Variants in FBXL2 observed in about 807,000 individuals in gnomAD.
The protein encoded by FBXL2 is F-box and leucine rich repeat protein 2.
In FBXL2, 38 loss-of-function variants were observed where a neutral mutation model predicts 69.2. The observed-to-expected ratio is 0.55, with a 90% CI of 0.42 to 0.72. The LOEUF (loss-of-function observed/expected upper bound fraction) is 0.72. Ranked by LOEUF, FBXL2 falls within the 30% of genes least tolerant of loss-of-function variation. FBXL2 has a pLI of 0.00. For synonymous variants in FBXL2, 192 were observed against 201.3 expected (o/e 0.95, Z 0.39); for missense variants, 354 against 520.3 (o/e 0.68, Z 3.11).
rs549391412 is a variant in FBXL2 at position 33,343,199 on chromosome 3, TAAATC to T, written c.66-15767_66-15763del. Among the ~76,000 whole-genome samples the T allele has an allele frequency of 3.9e-3, 595 of 152,184 alleles. 4 individuals carry two copies. The highest frequency in any genetic ancestry group is 0.013 in the African/African-American group (552 of 41,518). On this transcript the variant is annotated intron_variant, in intron 2 of 14. Transcript: ENST00000484457. ...CATTTTGTAATATTCATATGACACT[TAAATC>T]TATGTATATGTAGGTCTAGTTCTAA...
At chr3:33,397,182 A>G (rs1317838660) in intron 12 of FBXL2, 1 of 1,443,388 alleles carries the variant, frequency 6.9e-7, no homozygotes, top group Non-Finnish European at 9.4e-7. Flanking sequence ...GAAAAAGAAC[A>G]GAACTGCTTT....
intron 12 of FBXL2, chr3:33,396,065 C>T (rs1263301763): frequency 1.7e-6 from 2 of 1,152,078 alleles, no homozygotes; most frequent in Non-Finnish European, 2.4e-6. Context: ...GCATTCCTAA[C>T]ACAGCAAGAG....
chr3:33,396,381 G>T, intron 12 of FBXL2: 1 of 867,986 alleles, frequency 1.2e-6, no homozygotes, highest in Non-Finnish European at 1.8e-6. Flanking sequence ...TTCCTTATGA[G>T]AACTTTATAA....
chr3:33,343,680 T>C (rs2040234909), intron 2 of FBXL2, among the ~76,000 whole-genome samples: 2 of 152,114 alleles, frequency 1.3e-5, no homozygotes, highest in Admixed American at 1.3e-4. Flanking sequence ...CTACTTCCAA[T>C]TATATAGTGT....
chr3:33,409,142 C>T, the FBXL2 span: 1 of 1,238,880 alleles, frequency 8.1e-7, no homozygotes, highest in Admixed American at 2.1e-5. Context: ...GCCACCCAAT[C>T]TTCCCCAACC....
chr3:33,330,912 CAA>C (rs906717654), intron 2 of FBXL2, among the ~76,000 whole-genome samples: 3 of 146,550 alleles, frequency 2.0e-5, no homozygotes, highest in East Asian at 2.0e-4. Flanking sequence ...CACACACACA[CAA>C]ACACACACAC....
In FBXL2 at chr3:33,293,056, A is replaced by G. The variant is rs72862387; in HGVS notation, c.4-4608A>G. On this transcript the variant is annotated intron_variant, in intron 1 of 14. Transcript: ENST00000484457. ...CTATTTTAGTGATGGAGGTCTGTCTATGTTGACCAGGCTGGTCTTGGACTC... is the reference window on the plus strand; with the variant it reads ...CTATTTTAGTGATGGAGGTCTGTCTGTGTTGACCAGGCTGGTCTTGGACTC... Among the ~76,000 whole-genome samples, 867 of 152,284 alleles carry G rather than the reference A, an allele frequency of 5.7e-3. 8 individuals carry two copies. Among genetic ancestry groups the G allele is most frequent in the African/African-American group, 0.02 (816 of 41,558 alleles).
chr3:33,337,631 A>G (rs2039693659), intron 2 of FBXL2, among the ~76,000 whole-genome samples: 1 of 152,182 alleles, frequency 6.6e-6, no homozygotes, highest in African/African-American at 2.4e-5. Context: ...CAGGCAAAAG[A>G]AAGAAAGAAA....
chr3:33,392,636 G>C, downstream of FBXL2: 1 of 1,592,258 alleles, frequency 6.3e-7, no homozygotes, highest in East Asian at 2.2e-5. Context: ...AAGTAAATGC[G>C]TAAGTACAAT....
chr3:33,319,562 A>G (rs1281197784), intron 2 of FBXL2, among the ~76,000 whole-genome samples: 1 of 152,120 alleles, frequency 6.6e-6, no homozygotes, highest in East Asian at 1.9e-4. Flanking sequence ...AATCATGAAA[A>G]CTGTATCATT....
chr3:33,357,514 A>G (rs966906324), intron 2 of FBXL2, among the ~76,000 whole-genome samples: 9 of 149,392 alleles, frequency 6.0e-5, no homozygotes, highest in Non-Finnish European at 1.2e-4. Context: ...TTTTCTATGT[A>G]CAAAGATCCA....
intron 14 of FBXL2, among the ~76,000 whole-genome samples, chr3:33,385,089 T>C (rs924311647): frequency 2.0e-5 from 3 of 152,086 alleles, no homozygotes; most frequent in Non-Finnish European, 2.9e-5. Context: ...GAGTGGGAGG[T>C]AGAACTCTCT....
intron 2 of FBXL2, among the ~76,000 whole-genome samples, chr3:33,328,801 ATGTGTGTG>A (rs60685309): frequency 0.018 from 2,681 of 146,864 alleles, 72 homozygotes; most frequent in African/African-American, 0.063. Context: ...GTGTGTGTGC[ATGTGTGTG>A]TGTGTGTGTG....
intron 2 of FBXL2, among the ~76,000 whole-genome samples, chr3:33,347,319 G>GA (rs891131862): frequency 6.6e-6 from 1 of 152,182 alleles, no homozygotes; most frequent in African/African-American, 2.4e-5. Flanking sequence ...TTGTATGGCT[G>GA]AATGTATATA....
chr3:33,358,909 T>C, intron 2 of FBXL2, 58 bp from the exon 3 acceptor site: 2 of 1,112,482 alleles, frequency 1.8e-6, no homozygotes, highest in Non-Finnish European at 1.3e-6. Flanking sequence ...TTTCAAGTTA[T>C]AATTATCCTG....
At chr3:33,314,802 T>C (rs140720514) in intron 2 of FBXL2, among the ~76,000 whole-genome samples, 14 of 152,332 alleles carry the variant, frequency 9.2e-5, no homozygotes, top group Middle Eastern at 3.4e-3. Flanking sequence ...CGGAAGCCAA[T>C]ACAAGTTTTC....
At chr3:33,379,560 G>A (rs1208636641) in intron 13 of FBXL2, among the ~76,000 whole-genome samples, 2 of 151,196 alleles carry the variant, frequency 1.3e-5, no homozygotes, top group Non-Finnish European at 2.9e-5. Context: ...TCACCATGTT[G>A]GCCTGGCTGG....
At chr3:33,360,913 A>G (rs2041567395) in intron 4 of FBXL2, among the ~76,000 whole-genome samples, 1 of 145,310 alleles carries the variant, frequency 6.9e-6, no homozygotes, top group African/African-American at 2.5e-5. Flanking sequence ...AAAGCACATG[A>G]AGAACTTTTT....
chr3:33,372,193 G>A (rs915854533), intron 5 of FBXL2: 6 of 152,638 alleles, frequency 3.9e-5, no homozygotes, highest in African/African-American at 1.2e-4. Flanking sequence ...GTCTCCCAAA[G>A]TGCTGGGATT....
Sources: allele counts gnomAD v4.1 joint callset (sites outside exome capture counted in the v4.1 genomes callset), GRCh38; gene constraint gnomAD v4.1.1; transcripts MANE v1.5; gene names NCBI Gene and HGNC (gene_info 2026-07-23, HGNC 2026-07-21).